ADCY10: variants seen among roughly 807,000 people sequenced by gnomAD.
The protein encoded by ADCY10 is adenylate cyclase type 10.
ADCY10 carries 156 observed loss-of-function variants against 183.3 expected under a neutral mutation model. The ratio of observed to expected loss-of-function variants is 0.85; its 90% CI spans 0.75 to 0.97. The LOEUF (loss-of-function observed/expected upper bound fraction) is 0.97, where lower values mean the gene tolerates loss of function less well. Among genes scored for constraint, ADCY10 ranks in the 50% least tolerant of loss-of-function variants. The pLI, the probability that ADCY10 is intolerant of heterozygous loss-of-function variation, is 0.00. For synonymous variants in ADCY10, 645 were observed against 670.0 expected (o/e 0.96, Z 0.58); for missense variants, 1,745 against 1,934.3 (o/e 0.90, Z 1.84).
In ADCY10 at chr1:167,818,270, G is replaced by A; in HGVS notation, c.4287-3C>T. The A allele has an allele frequency of 6.2e-7, 1 of 1,612,942 alleles. No individual in the cohort carries two copies. On this transcript the variant is annotated splice_region_variant and splice_polypyrimidine_tract_variant and intron_variant, in intron 30 of 32. Transcript: ENST00000367851. ...CCCATTCCTGAAGTCTGGCATACCT[G>A]CATTACCACAAGAGAATAAGAAAAA... is the stretch of plus-strand genomic sequence containing the variant.
intron 21 of ADCY10, among the ~76,000 whole-genome samples, chr1:167,839,933 A>G (rs1664488575): frequency 6.6e-6 from 1 of 152,104 alleles, no homozygotes; most frequent in Non-Finnish European, 1.5e-5. Context: ...TAAAGTTGTA[A>G]TGGTGGCCAG....
In ADCY10 at chr1:167,901,996, A is replaced by G. The variant is rs760336496; in HGVS notation, c.292+20T>C. 3 of 1,613,518 alleles carry G rather than the reference A, an allele frequency of 1.9e-6. No individual in the cohort carries two copies. The highest frequency in any genetic ancestry group is 2.2e-5 in the South Asian group (2 of 91,066). Reference sequence around the variant, plus strand: ...TCAGCACTCCTTTCTTACCCCTTCTATCTTAGTAAGCCCCCATACCTGCAA... The same window carrying G: ...TCAGCACTCCTTTCTTACCCCTTCTGTCTTAGTAAGCCCCCATACCTGCAA... On this transcript the variant is annotated intron_variant, in intron 4 of 32. Transcript: ENST00000367851.
chr1:167,832,973 G>C lies in ADCY10; in HGVS notation c.3593+14C>G. The C allele has an allele frequency of 6.2e-7, 1 of 1,612,794 alleles. No individual in the cohort carries two copies. Among genetic ancestry groups the C allele is most frequent in the Non-Finnish European group, 8.5e-7 (1 of 1,179,504 alleles). ...GAGACTAAACAGTCTGCTCTCCCCA[G>C]CTCCTTCCCTTACCCTGGAGGTGGG... On this transcript the variant is annotated intron_variant, in intron 25 of 32. Transcript: ENST00000367851.
chr1:167,893,211 G>A (rs1668718140), intron 8 of ADCY10, among the ~76,000 whole-genome samples: 1 of 152,170 alleles, frequency 6.6e-6, no homozygotes, highest in African/African-American at 2.4e-5. Context: ...GTGTACCAAT[G>A]TTCATCCACT....
At position 167,850,662 on chromosome 1, in the gene ADCY10, CGTGTGT is replaced by C. The variant is rs35744623; in HGVS notation, c.2309-2179_2309-2174del. 8.7e-3 allele frequency among the ~76,000 whole-genome samples: 761 copies of C among 87,916 alleles called. 3 individuals carry two copies. The highest frequency in any genetic ancestry group is 0.012 in the Non-Finnish European group (542 of 45,288). The allele number at this position is 87,916 out of a possible 152,430, so 57.7% of individuals were successfully genotyped here. On this transcript the variant is annotated intron_variant, in intron 18 of 32. Coordinates refer to ENST00000367851, the MANE Select transcript of ADCY10 (RefSeq NM_018417.6). Reference sequence around the variant, plus strand: ...GAGGATAGCATACCAAAAAGGGGGCCGTGTGTGTGTGTGTGTGTGTGTGTGTGTGTG... The same window carrying C: ...GAGGATAGCATACCAAAAAGGGGGCCGTGTGTGTGTGTGTGTGTGTGTGTG...
intron 16 of ADCY10, among the ~76,000 whole-genome samples, chr1:167,857,105 A>G (rs1665968482): frequency 1.3e-5 from 2 of 152,206 alleles, no homozygotes; most frequent in Non-Finnish European, 2.9e-5. Flanking sequence ...GTCTCAAACA[A>G]AATACGGAGC....
At chr1:167,820,454 A>C in intron 30 of ADCY10, 1 of 494,150 alleles carries the variant, frequency 2.0e-6, no homozygotes, top group Non-Finnish European at 3.5e-6. Flanking sequence ...TCTGAGCAGC[A>C]TTGGCCTAGG....
chr1:167,854,915 C>T (rs1665775186), intron 17 of ADCY10, among the ~76,000 whole-genome samples: 1 of 152,126 alleles, frequency 6.6e-6, no homozygotes, highest in African/African-American at 2.4e-5. Flanking sequence ...AGCCTTTGTT[C>T]AAGACATCTT....
chr1:167,813,058 A>T (rs907884644), intron 31 of ADCY10, among the ~76,000 whole-genome samples: 1 of 152,184 alleles, frequency 6.6e-6, no homozygotes, highest in Admixed American at 6.5e-5. Flanking sequence ...CCTGAAGAAG[A>T]AGAGAGAGAG....
At chr1:167,817,795 T>C (rs1662620033) in intron 31 of ADCY10, among the ~76,000 whole-genome samples, 1 of 152,174 alleles carries the variant, frequency 6.6e-6, no homozygotes, top group African/African-American at 2.4e-5. Flanking sequence ...AAATTATTCA[T>C]AATATATTTA....
chr1:167,867,232 A>G (rs1666769907), intron 14 of ADCY10, among the ~76,000 whole-genome samples: 2 of 152,214 alleles, frequency 1.3e-5, no homozygotes, highest in Admixed American at 1.3e-4. Flanking sequence ...TGGGAGCTGT[A>G]CGTGGATGGG....
intron 30 of ADCY10, chr1:167,819,860 C>G: frequency 2.6e-6 from 2 of 767,216 alleles, no homozygotes; most frequent in Non-Finnish European, 4.6e-6. Context: ...CCACCGCGCC[C>G]GGCATGATTT....
chr1:167,854,988 G>GA (rs1665780960), intron 17 of ADCY10, among the ~76,000 whole-genome samples: 1 of 152,122 alleles, frequency 6.6e-6, no homozygotes, highest in Non-Finnish European at 1.5e-5. Flanking sequence ...GCCAGCTAAA[G>GA]AAAAAACATT....
At chr1:167,878,684 A>G in intron 11 of ADCY10, 49 bp from the exon 12 acceptor site, 14 of 1,558,962 alleles carry the variant, frequency 9.0e-6, no homozygotes, top group Non-Finnish European at 1.1e-5. Flanking sequence ...ACAGGCATTG[A>G]ACTGAATGTA....
rs543937431 is a variant in ADCY10, at chr1:167,872,318, A to G, written c.1463-1908T>C. ...GCGCCATTGCACTCCAGCCTGGGCA[A>G]CAAGAGCAAAACTCCATCTCAAAAA... is the stretch of plus-strand genomic sequence containing the variant. On this transcript the variant is annotated intron_variant, in intron 13 of 32. Transcript: ENST00000367851. Among the ~76,000 whole-genome samples, 5 of 152,054 alleles carry G rather than the reference A, an allele frequency of 3.3e-5. No homozygotes were observed. The South Asian group carries it at 1.0e-3, about 32-fold the overall frequency.
chr1:167,870,268 A>G lies in ADCY10; in HGVS notation c.1605T>C (p.Gly535=). Residue 535 remains glycine (G), a synonymous_variant, in exon 14 of 33, where the codon GGT becomes GGC. Coordinates refer to ENST00000367851, the MANE Select transcript of ADCY10 (RefSeq NM_018417.6). ...ILMKIEYLAQ[G]KNHRIIAISL... Reference sequence around the variant, plus strand: ...TCCAAGACACTCACCTGTGATTCTTACCTTGGGCCAGGTACTCAATTTTCA... The same window carrying G: ...TCCAAGACACTCACCTGTGATTCTTGCCTTGGGCCAGGTACTCAATTTTCA... The G allele has an allele frequency of 6.2e-7, 1 of 1,614,064 alleles. No individual in the cohort carries two copies. The highest frequency in any genetic ancestry group is 2.2e-5 in the East Asian group (1 of 44,864).
intron 19 of ADCY10, among the ~76,000 whole-genome samples, chr1:167,847,668 C>T (rs780092409): frequency 3.9e-5 from 6 of 151,962 alleles, no homozygotes; most frequent in African/African-American, 9.7e-5. Context: ...GTGATCCACC[C>T]GACTTGGCCT....
intron 8 of ADCY10, among the ~76,000 whole-genome samples, chr1:167,890,999 T>TC (rs1668547411): frequency 6.6e-6 from 1 of 152,118 alleles, no homozygotes; most frequent in Non-Finnish European, 1.5e-5. Context: ...TCTCGCTCTG[T>TC]CACCCAGGCT....
At position 167,845,660 on chromosome 1, in the gene ADCY10, C is replaced by T. The variant is rs778717876; in HGVS notation, c.2910G>A (p.Arg970=). ...DAHRCDHCRG[R]DFIPYHHFTV... Reference sequence around the variant, plus strand: ...TGAAGTGATGATAGGGAATGAAGTCCCTGCCTCGGCAGTGGTCACATCTGT... The same window carrying T: ...TGAAGTGATGATAGGGAATGAAGTCTCTGCCTCGGCAGTGGTCACATCTGT... Residue 970 remains arginine (R), a synonymous_variant, in exon 21 of 33, where the codon AGG becomes AGA. Coordinates refer to ENST00000367851, the MANE Select transcript of ADCY10 (RefSeq NM_018417.6). 2.5e-6 allele frequency: 4 copies of T among 1,614,208 alleles called. No homozygotes were observed. The South Asian group carries it at 4.4e-5, about 18-fold the overall frequency.
Sources: gnomAD v4.1 joint callset for allele counts (sites outside exome capture counted in the v4.1 genomes callset) on GRCh38, gnomAD v4.1.1 for gene constraint, MANE v1.5 for transcripts, NCBI Gene and HGNC (gene_info 2026-07-23, HGNC 2026-07-21) for gene names.